GRM8: variants seen among roughly 807,000 people sequenced by gnomAD.
The protein encoded by GRM8 is glutamate metabotropic receptor 8, also known as metabotropic glutamate receptor 8.
In GRM8, 47 loss-of-function variants were observed where a neutral mutation model predicts 87.2. That is an observed-to-expected ratio of 0.54 (90% confidence interval 0.43 to 0.69). The LOEUF (loss-of-function observed/expected upper bound fraction) is 0.69, where lower values mean the gene tolerates loss of function less well. Among genes scored for constraint, GRM8 ranks in the 30% least tolerant of loss-of-function variants. The probability of loss-of-function intolerance (pLI) is 0.00; values close to 1 mark genes in which losing one functional copy is unlikely to be tolerated. For synonymous variants in GRM8, 396 were observed against 404.5 expected, an observed-to-expected ratio of 0.98 and a Z score of 0.25; for missense variants, 1,019 against 1,139.2, an observed-to-expected ratio of 0.89 and a Z score of 1.52.
intron 9 of GRM8, among the ~76,000 whole-genome samples, chr7:126,477,476 AATC>A (rs1467851820): frequency 2.6e-5 from 4 of 152,116 alleles, no homozygotes; most frequent in East Asian, 3.9e-4. Context: ...ACATGTATGA[AATC>A]ATCATGTCAG....
chr7:127,037,455 T>C lies in GRM8; in HGVS notation c.727+69041A>G, dbSNP rs114172529. On this transcript the variant is annotated intron_variant, in intron 3 of 10. Transcript: ENST00000339582. ...TCTCCCTCCCCCAACCTCACTTCTT[T>C]CCTCCCTGACCAAAGACTGTGACAT... 7.6e-4 allele frequency among the ~76,000 whole-genome samples: 115 copies of C among 152,238 alleles called. 1 individual carries two copies. In the Middle Eastern group the frequency reaches 0.01, roughly 14 times the overall value.
chr7:126,443,309 C>A (rs1801672700), intron 10 of GRM8, among the ~76,000 whole-genome samples: 1 of 152,028 alleles, frequency 6.6e-6, no homozygotes, highest in African/African-American at 2.4e-5. Flanking sequence ...AAACTATAGT[C>A]TGCAAATTCA....
intron 7 of GRM8, among the ~76,000 whole-genome samples, chr7:126,766,015 T>C (rs1818155920): frequency 6.6e-6 from 1 of 152,114 alleles, no homozygotes; most frequent in South Asian, 2.1e-4. Flanking sequence ...GACTGAATAT[T>C]CCAGCTTTAG....
chr7:126,516,764 T>G (rs1239280688), intron 9 of GRM8, among the ~76,000 whole-genome samples: 1 of 152,138 alleles, frequency 6.6e-6, no homozygotes, highest in African/African-American at 2.4e-5. Flanking sequence ...TAGAAAATAC[T>G]GTTACTTGTA....
At chr7:126,508,455 A>C (rs1396726339) in intron 9 of GRM8, among the ~76,000 whole-genome samples, 3 of 152,144 alleles carry the variant, frequency 2.0e-5, no homozygotes, top group Middle Eastern at 3.4e-3. Flanking sequence ...ATGGAACCTC[A>C]TGACCTAAAC....
intron 9 of GRM8, among the ~76,000 whole-genome samples, chr7:126,494,847 C>A (rs1210128885): frequency 1.3e-5 from 2 of 151,944 alleles, no homozygotes; most frequent in African/African-American, 2.4e-5. Flanking sequence ...TAAGAGTGTA[C>A]AAAATACATT....
chr7:127,139,468 C>T (rs1828137417), intron 2 of GRM8, among the ~76,000 whole-genome samples: 1 of 152,080 alleles, frequency 6.6e-6, no homozygotes, highest in African/African-American at 2.4e-5. Context: ...AGCAAACTGC[C>T]TCATAATCAA....
chr7:126,578,112 C>A (rs1795270892), intron 8 of GRM8, among the ~76,000 whole-genome samples: 1 of 152,126 alleles, frequency 6.6e-6, no homozygotes, highest in African/African-American at 2.4e-5. Flanking sequence ...GAAACTCTTA[C>A]TAGTCTTATA....
chr7:126,646,052 A>G (rs1422080375), intron 7 of GRM8, among the ~76,000 whole-genome samples: 1 of 152,094 alleles, frequency 6.6e-6, no homozygotes, highest in Non-Finnish European at 1.5e-5. Flanking sequence ...TTAAGGGTCA[A>G]TCCCACTGCA....
chr7:126,746,166 T>C (rs1815650697), intron 7 of GRM8, among the ~76,000 whole-genome samples: 1 of 151,822 alleles, frequency 6.6e-6, no homozygotes, highest in African/African-American at 2.4e-5. Flanking sequence ...GATTCATATG[T>C]ATTTAAATAT....
chr7:126,655,188 T>C (rs1266810597), intron 7 of GRM8, among the ~76,000 whole-genome samples: 1 of 152,202 alleles, frequency 6.6e-6, no homozygotes, highest in Non-Finnish European at 1.5e-5. Flanking sequence ...TATCCTTAGC[T>C]CTTCATATTC....
At chr7:127,228,106 GA>G in intron 2 of GRM8, among the ~76,000 whole-genome samples, 1 of 152,316 alleles carries the variant, frequency 6.6e-6, no homozygotes, top group Middle Eastern at 3.4e-3. Context: ...GAAATAATTT[GA>G]AAACATACCA....
At position 126,854,639 on chromosome 7, in the gene GRM8, A is replaced by C. The variant is rs139567613; in HGVS notation, c.1156+47903T>G. ...CGCATCTACATTTATGCAAATGTTA[A>C]GATTACTTCATTCTTAGCTGCTATG... On this transcript the variant is annotated intron_variant, in intron 6 of 10. Coordinates refer to ENST00000339582, the MANE Select transcript of GRM8 (RefSeq NM_000845.3). 1.3e-4 allele frequency among the ~76,000 whole-genome samples: 20 copies of C among 152,316 alleles called. No homozygotes were observed. The East Asian group carries it at 3.7e-3, about 28-fold the overall frequency.
At chr7:127,205,062 A>G (rs1297771695) in intron 2 of GRM8, among the ~76,000 whole-genome samples, 2 of 152,200 alleles carry the variant, frequency 1.3e-5, no homozygotes, top group Admixed American at 1.3e-4. Context: ...TTGCGGAAAG[A>G]CAAAACTGTG....
At chr7:126,563,000 C>A (rs1039234887) in intron 8 of GRM8, among the ~76,000 whole-genome samples, 1 of 152,140 alleles carries the variant, frequency 6.6e-6, no homozygotes, top group East Asian at 1.9e-4. Flanking sequence ...ATTATTATAA[C>A]AAATGTATCC....
At chr7:126,525,286 C>T (rs889431432) in intron 9 of GRM8, among the ~76,000 whole-genome samples, 4 of 152,162 alleles carry the variant, frequency 2.6e-5, no homozygotes, top group Admixed American at 2.0e-4. Context: ...TATTCTTATC[C>T]TAGGTAGAGC....
intron 2 of GRM8, among the ~76,000 whole-genome samples, chr7:127,127,073 G>C (rs187092733): frequency 6.6e-6 from 1 of 152,102 alleles, no homozygotes; most frequent in East Asian, 1.9e-4. Flanking sequence ...ACAATACCAA[G>C]TAGGGCAATG....
At chr7:126,827,259 A>G (rs1253573482) in intron 6 of GRM8, among the ~76,000 whole-genome samples, 4 of 152,168 alleles carry the variant, frequency 2.6e-5, no homozygotes, top group Non-Finnish European at 5.9e-5. Context: ...GAAGAAAGTC[A>G]TTGGTAGCTT....
chr7:127,089,894 G>A (rs1823883009), intron 3 of GRM8, among the ~76,000 whole-genome samples: 1 of 152,066 alleles, frequency 6.6e-6, no homozygotes, highest in Non-Finnish European at 1.5e-5. Context: ...ATTCTCTGTG[G>A]GATTCTTTCT....
Sources: gnomAD v4.1 joint callset for allele counts (sites outside exome capture counted in the v4.1 genomes callset) on GRCh38, gnomAD v4.1.1 for gene constraint, MANE v1.5 for transcripts, NCBI Gene and HGNC (gene_info 2026-07-23, HGNC 2026-07-21) for gene names.